Variants in FSTL5 observed in about 807,000 individuals in gnomAD.
FSTL5 encodes follistatin like 5.
In FSTL5, 62 loss-of-function variants were observed where a neutral mutation model predicts 89.1. The observed-to-expected ratio is 0.70, with a 90% CI of 0.57 to 0.86. The LOEUF is 0.86. Among genes scored for constraint, FSTL5 ranks in the 40% least tolerant of loss-of-function variants. The pLI is 0.00. For synonymous variants in FSTL5, 383 were observed against 346.2 expected, an observed-to-expected ratio of 1.11 and a Z score of -1.18; for missense variants, 1,057 against 1,001.6, an observed-to-expected ratio of 1.06 and a Z score of -0.75.
chr4:161,952,971 A>T (rs1403502211), intron 3 of FSTL5, among the ~76,000 whole-genome samples: 1 of 151,752 alleles, frequency 6.6e-6, no homozygotes, highest in Admixed American at 6.6e-5. Flanking sequence ...AAATTATATG[A>T]TCATTTACTA....
intron 5 of FSTL5, 67 bp downstream of exon 5, chr4:161,775,811 T>C: frequency 2.5e-6 from 2 of 813,748 alleles, no homozygotes; most frequent in Non-Finnish European, 3.6e-6. Flanking sequence ...AGAGTAAATT[T>C]AGAAAAAGTA....
chr4:162,090,729 G>A (rs897771782), intron 2 of FSTL5, among the ~76,000 whole-genome samples: 7 of 152,040 alleles, frequency 4.6e-5, no homozygotes, highest in Non-Finnish European at 7.4e-5. Flanking sequence ...GCTGAGGCAC[G>A]GATCCCTTGA....
At chr4:161,501,100 T>C (rs891888090) in intron 11 of FSTL5, among the ~76,000 whole-genome samples, 1 of 152,180 alleles carries the variant, frequency 6.6e-6, no homozygotes, top group African/African-American at 2.4e-5. Flanking sequence ...TGATAGCATG[T>C]TCTCTTTAAA....
intron 3 of FSTL5, among the ~76,000 whole-genome samples, chr4:161,929,683 G>GTATA (rs1553983460): frequency 1.3e-4 from 13 of 98,258 alleles, no homozygotes; most frequent in African/African-American, 3.3e-4. Context: ...GTGTGTGTGT[G>GTATA]TGTGTGTGTG....
At chr4:161,820,688 C>G (rs895835420) in intron 4 of FSTL5, among the ~76,000 whole-genome samples, 2 of 152,048 alleles carry the variant, frequency 1.3e-5, no homozygotes, top group African/African-American at 4.8e-5. Context: ...GGACTTGGCA[C>G]AGATGAGCAG....
intron 4 of FSTL5, among the ~76,000 whole-genome samples, chr4:161,856,362 G>A (rs139097061): frequency 1.2e-3 from 176 of 151,830 alleles, no homozygotes; most frequent in African/African-American, 4.0e-3. Context: ...TTTTTCAAGG[G>A]AAATATTAAT....
At chr4:161,998,168 G>C (rs1012694718) in intron 3 of FSTL5, among the ~76,000 whole-genome samples, 1 of 152,066 alleles carries the variant, frequency 6.6e-6, no homozygotes, top group Non-Finnish European at 1.5e-5. Flanking sequence ...AATGCCTTAA[G>C]GTCTCCCTCA....
intron 3 of FSTL5, among the ~76,000 whole-genome samples, chr4:162,008,267 G>A (rs906356770): frequency 2.6e-5 from 4 of 151,618 alleles, no homozygotes; most frequent in Non-Finnish European, 5.9e-5. Flanking sequence ...ATAAAATTAA[G>A]AAAATACAGG....
intron 5 of FSTL5, among the ~76,000 whole-genome samples, chr4:161,769,449 C>T (rs1215335103): frequency 6.6e-6 from 1 of 151,924 alleles, no homozygotes; most frequent in African/African-American, 2.4e-5. Context: ...AAAATACTGG[C>T]ACACTGAATT....
chr4:161,971,743 GACA>G (rs1735490512), intron 3 of FSTL5, among the ~76,000 whole-genome samples: 1 of 151,882 alleles, frequency 6.6e-6, no homozygotes, highest in African/African-American at 2.4e-5. Flanking sequence ...AGACTATGTG[GACA>G]TATTAATTTC....
At chr4:161,833,229 C>T (rs528961364) in intron 4 of FSTL5, among the ~76,000 whole-genome samples, 14 of 152,126 alleles carry the variant, frequency 9.2e-5, no homozygotes, top group African/African-American at 3.4e-4. Flanking sequence ...AGTTTGATTG[C>T]ACTGTGGTCT....
chr4:162,036,067 T>C (rs931790063), intron 2 of FSTL5, among the ~76,000 whole-genome samples: 1 of 152,082 alleles, frequency 6.6e-6, no homozygotes, highest in East Asian at 1.9e-4. Flanking sequence ...GTCCTAGGCA[T>C]TGAGGTCTTA....
intron 15 of FSTL5, among the ~76,000 whole-genome samples, chr4:161,414,855 G>C (rs1394922942): frequency 6.6e-6 from 1 of 152,180 alleles, no homozygotes; most frequent in Non-Finnish European, 1.5e-5. Context: ...TCTGGAGTTA[G>C]GTCTGGCTTT....
intron 4 of FSTL5, among the ~76,000 whole-genome samples, chr4:161,835,266 C>T (rs910840735): frequency 1.3e-5 from 2 of 152,168 alleles, no homozygotes; most frequent in Non-Finnish European, 2.9e-5. Flanking sequence ...AAAGCTGAAA[C>T]TGGATCCCTT....
At chr4:161,574,521 A>G (rs550874824) in intron 8 of FSTL5, among the ~76,000 whole-genome samples, 3 of 151,872 alleles carry the variant, frequency 2.0e-5, no homozygotes, top group South Asian at 2.1e-4. Context: ...CTTGCCCCCA[A>G]GCCCTGACAG....
intron 7 of FSTL5, among the ~76,000 whole-genome samples, chr4:161,592,758 G>C (rs1451222476): frequency 6.6e-6 from 1 of 152,130 alleles, no homozygotes; most frequent in Non-Finnish European, 1.5e-5. Flanking sequence ...CTTTATAGTA[G>C]AATGATTTAT....
chr4:161,819,845 A>G (rs1045599676), intron 4 of FSTL5, among the ~76,000 whole-genome samples: 1 of 152,122 alleles, frequency 6.6e-6, no homozygotes, highest in Non-Finnish European at 1.5e-5. Flanking sequence ...TTTTGTTCAC[A>G]TCTTCTGCAT....
chr4:162,043,367 T>C (rs1738045667), intron 2 of FSTL5: 1 of 152,158 alleles, frequency 6.6e-6, no homozygotes, highest in African/African-American at 2.4e-5. Flanking sequence ...CACTATACTA[T>C]AGTCTATTAA....
intron 6 of FSTL5, among the ~76,000 whole-genome samples, chr4:161,683,098 G>C (rs1479676635): frequency 1.3e-5 from 2 of 152,104 alleles, no homozygotes; most frequent in Non-Finnish European, 2.9e-5. Context: ...AAAATGAAAA[G>C]TATAGTAAAT....
Sources: gnomAD v4.1 joint callset for allele counts (sites outside exome capture counted in the v4.1 genomes callset) on GRCh38, gnomAD v4.1.1 for gene constraint, MANE v1.5 for transcripts, NCBI Gene and HGNC (gene_info 2026-07-23, HGNC 2026-07-21) for gene names.